FAT3: variants seen among roughly 807,000 people sequenced by gnomAD.
FAT3 encodes FAT atypical cadherin 3, also known as protocadherin Fat 3.
In FAT3, 95 loss-of-function variants were observed where a neutral mutation model predicts 310.2. That is an observed-to-expected ratio of 0.31 (90% CI 0.26 to 0.36). The LOEUF (loss-of-function observed/expected upper bound fraction) is 0.36, where lower values mean the gene tolerates loss of function less well. Among genes scored for constraint, FAT3 ranks in the 10% least tolerant of loss-of-function variants. FAT3 has a pLI of 1.00. For synonymous variants in FAT3, 2,314 were observed against 2,192.9 expected, an observed-to-expected ratio of 1.06 and a Z score of -1.54; for missense variants, 5,408 against 5,715.6, an observed-to-expected ratio of 0.95 and a Z score of 1.74.
intron 3 of FAT3, among the ~76,000 whole-genome samples, chr11:92,562,611 G>T (rs1329543869): frequency 6.6e-6 from 1 of 152,276 alleles, no homozygotes; most frequent in East Asian, 1.9e-4. Flanking sequence ...CTATCTGCAA[G>T]CTGGAAAACC....
At chr11:92,230,240 T>TTTAC (rs1224827697) in intron 1 of FAT3, among the ~76,000 whole-genome samples, 7 of 151,776 alleles carry the variant, frequency 4.6e-5, no homozygotes, top group Admixed American at 3.3e-4. Flanking sequence ...TTTAAAATAA[T>TTTAC]TTTTTGTCTT....
intron 3 of FAT3, among the ~76,000 whole-genome samples, chr11:92,554,253 GAGATCCACACC>G (rs2135448929): frequency 6.6e-6 from 1 of 151,802 alleles, no homozygotes; most frequent in African/African-American, 2.4e-5. Context: ...ACAAAGTCAG[GAGATCCACACC>G]ATCCTGGCTA....
rs61079356 is a variant in FAT3, at chr11:92,722,259, A to G, written c.3669+24814A>G. Among the ~76,000 whole-genome samples the G allele has an allele frequency of 0.01, 1,533 of 152,282 alleles. 106 individuals carry two copies. The East Asian group carries it at 0.19, about 19-fold the overall frequency. ...CATTCCAAATGGGAGAAATTGGCCAAAACAAAGGGGTTACAGGCCCCCTGC... is the reference window on the plus strand; with the variant it reads ...CATTCCAAATGGGAGAAATTGGCCAGAACAAAGGGGTTACAGGCCCCCTGC... On this transcript the variant is annotated intron_variant, in intron 4 of 27. Coordinates refer to ENST00000525166, the MANE Select transcript of FAT3 (RefSeq NM_001367949.2).
chr11:92,790,442 TG>T (rs1485445528), intron 8 of FAT3, among the ~76,000 whole-genome samples: 8 of 152,256 alleles, frequency 5.3e-5, no homozygotes, highest in Non-Finnish European at 4.4e-5. Context: ...AGATAAGTTC[TG>T]CAGCAATGGC....
intron 3 of FAT3, among the ~76,000 whole-genome samples, chr11:92,558,635 G>A (rs983851505): frequency 2.0e-5 from 3 of 152,052 alleles, no homozygotes; most frequent in South Asian, 2.1e-4. Flanking sequence ...TTTCTGTCCC[G>A]AAAGGTAATT....
chr11:92,824,710 G>A (rs1198355121), intron 13 of FAT3, among the ~76,000 whole-genome samples: 1 of 151,344 alleles, frequency 6.6e-6, no homozygotes, highest in Non-Finnish European at 1.5e-5. Flanking sequence ...TAACCTAGAA[G>A]GGTAAACAAA....
intron 2 of FAT3, among the ~76,000 whole-genome samples, chr11:92,477,306 C>G (rs1307553282): frequency 6.6e-6 from 1 of 152,182 alleles, no homozygotes; most frequent in Non-Finnish European, 1.5e-5. Flanking sequence ...CCACGGCCTC[C>G]TGCTTTGTGT....
intron 22 of FAT3, among the ~76,000 whole-genome samples, chr11:92,873,654 T>A (rs2136373870): frequency 6.6e-6 from 1 of 152,346 alleles, no homozygotes; most frequent in African/African-American, 2.4e-5. Flanking sequence ...GCATTTAATA[T>A]GTTTTGCAAT....
intron 2 of FAT3, among the ~76,000 whole-genome samples, chr11:92,428,224 C>T (rs1223583696): frequency 6.6e-6 from 1 of 150,996 alleles, no homozygotes; most frequent in Non-Finnish European, 1.5e-5. Flanking sequence ...GGTGATATCC[C>T]CTTTATCATT....
chr11:92,831,033 G>T (rs1948234141), intron 13 of FAT3, among the ~76,000 whole-genome samples: 1 of 152,042 alleles, frequency 6.6e-6, no homozygotes, highest in South Asian at 2.1e-4. Context: ...CTTCCTCTCT[G>T]GCTGCCCTTC....
intron 1 of FAT3, among the ~76,000 whole-genome samples, chr11:92,273,409 G>A (rs901985391): frequency 6.6e-6 from 1 of 152,044 alleles, no homozygotes; most frequent in African/African-American, 2.4e-5. Flanking sequence ...AGGGATTGTA[G>A]AGGACATAAT....
intron 7 of FAT3, among the ~76,000 whole-genome samples, chr11:92,784,651 C>T (rs1946841347): frequency 6.6e-6 from 1 of 152,150 alleles, no homozygotes; most frequent in Admixed American, 6.5e-5. Flanking sequence ...CCATTTTGAA[C>T]ACAACATCTT....
intron 3 of FAT3, among the ~76,000 whole-genome samples, chr11:92,631,391 A>T (rs1941552044): frequency 6.6e-6 from 1 of 152,106 alleles, no homozygotes; most frequent in South Asian, 2.1e-4. Context: ...CCCAGATCTC[A>T]TCTAGAACTG....
At chr11:92,315,477 G>GTA (rs1211737478) in intron 1 of FAT3, among the ~76,000 whole-genome samples, 27 of 81,606 alleles carry the variant, frequency 3.3e-4, no homozygotes, top group African/African-American at 6.9e-4. Context: ...GTGTGTGTGT[G>GTA]TGTATATATA....
At chr11:92,415,553 C>A (rs1351752188) in intron 2 of FAT3, among the ~76,000 whole-genome samples, 1 of 152,130 alleles carries the variant, frequency 6.6e-6, no homozygotes, top group Non-Finnish European at 1.5e-5. Context: ...CTGTACTCTA[C>A]CTCTATGCTT....
At chr11:92,864,273 G>A (rs924749736) in intron 21 of FAT3, among the ~76,000 whole-genome samples, 9 of 152,056 alleles carry the variant, frequency 5.9e-5, no homozygotes, top group African/African-American at 1.9e-4. Context: ...TAGATAAATT[G>A]CACTCTCACC....
intron 3 of FAT3, among the ~76,000 whole-genome samples, chr11:92,546,884 G>A (rs1442198914): frequency 6.6e-6 from 1 of 152,132 alleles, no homozygotes; most frequent in Non-Finnish European, 1.5e-5. Context: ...AAATGAGAGA[G>A]TTGTGAGGCT....
At chr11:92,435,718 C>G (rs1950921721) in intron 2 of FAT3, among the ~76,000 whole-genome samples, 2 of 151,958 alleles carry the variant, frequency 1.3e-5, no homozygotes, top group Non-Finnish European at 2.9e-5. Context: ...GTGTGTGCCA[C>G]CACACCCAGC....
At position 92,458,116 on chromosome 11, in the gene FAT3, T is replaced by C. The variant is rs978082818; in HGVS notation, c.3293-66518T>C. 2.6e-5 allele frequency among the ~76,000 whole-genome samples: 4 copies of C among 152,256 alleles called. No individual in the cohort carries two copies. The East Asian group carries it at 7.7e-4, about 29-fold the overall frequency. On this transcript the variant is annotated intron_variant, in intron 2 of 27. Transcript: ENST00000525166. ...CCCTAACATATTGCCTATTGTTAGG[T>C]TGTTTCCTTTCTTTCCTGCTATGGT...
Sources: allele counts gnomAD v4.1 joint callset (sites outside exome capture counted in the v4.1 genomes callset), GRCh38; gene constraint gnomAD v4.1.1; transcripts MANE v1.5; gene names NCBI Gene and HGNC (gene_info 2026-07-23, HGNC 2026-07-21).